GRM7: variants seen among roughly 807,000 people sequenced by gnomAD.
The protein encoded by GRM7 is glutamate metabotropic receptor 7, also known as metabotropic glutamate receptor 7.
In GRM7, 35 loss-of-function variants were observed where a neutral mutation model predicts 84.5. The ratio of observed to expected loss-of-function variants is 0.41; its 90% CI spans 0.32 to 0.55. The LOEUF is 0.55. Among genes scored for constraint, GRM7 ranks in the 20% least tolerant of loss-of-function variants. The pLI, the probability that GRM7 is intolerant of heterozygous loss-of-function variation, is 0.19. For missense variants in GRM7, 1,003 were observed against 1,194.6 expected (o/e 0.84, Z 2.36); for synonymous variants, 487 against 455.1 (o/e 1.07, Z -0.89).
intron 8 of GRM7, among the ~76,000 whole-genome samples, chr3:7,604,299 C>G (rs1339686791): frequency 2.6e-5 from 4 of 152,118 alleles, no homozygotes; most frequent in African/African-American, 7.2e-5. Context: ...ATAGGTGGAA[C>G]AAGCATTCAT....
intron 3 of GRM7, among the ~76,000 whole-genome samples, chr3:7,302,198 T>C (rs537754118): frequency 2.2e-4 from 34 of 152,234 alleles, no homozygotes; most frequent in Non-Finnish European, 3.8e-4. Flanking sequence ...TTAAATAATC[T>C]TCTATAAAAC....
chr3:6,995,393 G>A (rs564256063), intron 1 of GRM7, among the ~76,000 whole-genome samples: 63 of 152,278 alleles, frequency 4.1e-4, no homozygotes, highest in African/African-American at 1.4e-3. Context: ...AAAAGCAGAC[G>A]GCGGTCAGAT....
At chr3:7,646,280 C>T (rs538300851) in intron 8 of GRM7, among the ~76,000 whole-genome samples, 48 of 152,296 alleles carry the variant, frequency 3.2e-4, no homozygotes, top group East Asian at 5.8e-4. Context: ...CAGCCTCTGC[C>T]TCCCAGGTTC....
intron 1 of GRM7, among the ~76,000 whole-genome samples, chr3:6,968,139 T>C (rs1365450871): frequency 6.6e-6 from 1 of 152,194 alleles, no homozygotes; most frequent in African/African-American, 2.4e-5. Flanking sequence ...CAGCAGGGTC[T>C]TTCTCTTTTC....
At chr3:7,679,144 G>T (rs1700256127) in intron 8 of GRM7, among the ~76,000 whole-genome samples, 1 of 152,112 alleles carries the variant, frequency 6.6e-6, no homozygotes, top group African/African-American at 2.4e-5. Context: ...GGGCAGCCTG[G>T]GATGGGCATG....
In GRM7 at chr3:7,324,906, A is replaced by G. The variant is rs1700926204; in HGVS notation, c.1033+18254A>G. ...ACCTGTAGAATCTATTTTTAAACAT[A>G]CTCTCCTAGTTTCTTCCAGTATATA... On this transcript the variant is annotated intron_variant, in intron 4 of 9. Transcript: ENST00000357716. Among the ~76,000 whole-genome samples the G allele has an allele frequency of 2.6e-5, 4 of 151,304 alleles. No individual in the cohort carries two copies. In the South Asian group the frequency reaches 8.4e-4, roughly 32 times the overall value.
chr3:7,394,931 A>G (rs765326551), intron 4 of GRM7, among the ~76,000 whole-genome samples: 16 of 151,808 alleles, frequency 1.1e-4, no homozygotes, highest in Admixed American at 2.0e-4. Flanking sequence ...CCAGCTACTC[A>G]GGAGGCTGAG....
chr3:6,955,905 A>G (rs1340868162), intron 1 of GRM7, among the ~76,000 whole-genome samples: 2 of 152,106 alleles, frequency 1.3e-5, no homozygotes, highest in African/African-American at 4.8e-5. Flanking sequence ...AATTATGAAG[A>G]AAGACCACTG....
chr3:7,140,128 T>TA (rs1469572303), intron 1 of GRM7, among the ~76,000 whole-genome samples: 1 of 151,902 alleles, frequency 6.6e-6, no homozygotes, highest in African/African-American at 2.4e-5. Context: ...TTATGGTGGC[T>TA]ATAATCAAAA....
At chr3:7,156,127 C>A (rs1385392523) in intron 2 of GRM7, among the ~76,000 whole-genome samples, 3 of 152,022 alleles carry the variant, frequency 2.0e-5, no homozygotes, top group Non-Finnish European at 4.4e-5. Context: ...TGTGAGAAGA[C>A]AGAAGAGCAG....
At chr3:7,663,838 C>T (rs1437245456) in intron 8 of GRM7, among the ~76,000 whole-genome samples, 2 of 152,110 alleles carry the variant, frequency 1.3e-5, no homozygotes, top group African/African-American at 4.8e-5. Flanking sequence ...ATACGAATTC[C>T]CACAAATATT....
At chr3:7,461,808 T>A in intron 7 of GRM7, 86 bp downstream of exon 7, 1 of 1,335,060 alleles carries the variant, frequency 7.5e-7, no homozygotes, top group Non-Finnish European at 1.1e-6. Flanking sequence ...GTTTCTTGTT[T>A]AATGTTTGTG....
At chr3:7,131,975 C>A (rs902614896) in intron 1 of GRM7, among the ~76,000 whole-genome samples, 2 of 152,170 alleles carry the variant, frequency 1.3e-5, no homozygotes, top group African/African-American at 4.8e-5. Flanking sequence ...CAAAGGACAC[C>A]TACTTCATTA....
intron 1 of GRM7, among the ~76,000 whole-genome samples, chr3:6,892,465 T>A (rs1173046324): frequency 2.0e-5 from 3 of 152,190 alleles, no homozygotes; most frequent in Non-Finnish European, 2.9e-5. Flanking sequence ...CAAAAATCAT[T>A]TTCTGCTCAA....
intron 5 of GRM7, among the ~76,000 whole-genome samples, chr3:7,438,266 G>T (rs1165666853): frequency 6.6e-6 from 1 of 152,068 alleles, no homozygotes; most frequent in African/African-American, 2.4e-5. Flanking sequence ...TAATAACTTG[G>T]AGAAGGGCAG....
intron 2 of GRM7, among the ~76,000 whole-genome samples, chr3:7,147,940 T>C (rs1452731686): frequency 6.6e-6 from 1 of 152,170 alleles, no homozygotes; most frequent in African/African-American, 2.4e-5. Flanking sequence ...ACAGCGCCTA[T>C]CACAGGTTAG....
At chr3:7,142,808 A>G (rs1044642757) in intron 1 of GRM7, among the ~76,000 whole-genome samples, 1 of 152,168 alleles carries the variant, frequency 6.6e-6, no homozygotes, top group African/African-American at 2.4e-5. Flanking sequence ...AATTTTCATT[A>G]AAACGCATAC....
chr3:7,036,884 TG>T (rs753964583), intron 1 of GRM7, among the ~76,000 whole-genome samples: 5 of 152,174 alleles, frequency 3.3e-5, no homozygotes, highest in Non-Finnish European at 7.3e-5. Flanking sequence ...TATTACCCTG[TG>T]TTTCAAGTTG....
intron 4 of GRM7, among the ~76,000 whole-genome samples, chr3:7,323,666 A>G (rs2125056721): frequency 6.6e-6 from 1 of 152,292 alleles, no homozygotes; most frequent in South Asian, 2.1e-4. Flanking sequence ...AAATACAAAA[A>G]ACTAATTTGC....
Sources: allele counts gnomAD v4.1 joint callset (sites outside exome capture counted in the v4.1 genomes callset), GRCh38; gene constraint gnomAD v4.1.1; transcripts MANE v1.5; gene names NCBI Gene and HGNC (gene_info 2026-07-23, HGNC 2026-07-21).